The following CCDC191 variants were observed in gnomAD, a reference collection of about 807,000 sequenced individuals.
CCDC191 encodes coiled-coil domain containing 191.
A neutral mutation model predicts 114.0 loss-of-function variants in CCDC191; 99 were observed. The ratio of observed to expected loss-of-function variants is 0.87; its 90% confidence interval spans 0.74 to 1.03. CCDC191 has a LOEUF of 1.03. Ranked by LOEUF, CCDC191 falls within the 50% of genes least tolerant of loss-of-function variation. The probability of loss-of-function intolerance (pLI) is 0.00; values close to 1 mark genes in which losing one functional copy is unlikely to be tolerated. For missense variants in CCDC191, 973 were observed against 1,087.0 expected, an observed-to-expected ratio of 0.90 and a Z score of 1.47; for synonymous variants, 351 against 376.0, an observed-to-expected ratio of 0.93 and a Z score of 0.77.
At chr3:114,004,783 A>T (rs1455822516) in intron 10 of CCDC191, 37 bp from the exon 11 acceptor site, 1 of 1,590,146 alleles carries the variant, frequency 6.3e-7, no homozygotes, top group African/African-American at 1.4e-5. Context: ...TTAGACTACT[A>T]ACCAGTTTCC....
At chr3:114,023,740 A>G (rs2076277652) in intron 7 of CCDC191, among the ~76,000 whole-genome samples, 1 of 152,166 alleles carries the variant, frequency 6.6e-6, no homozygotes. Context: ...TTAGACCTAA[A>G]ACCATAAAAA....
chr3:114,016,409 G>C (rs1300502162), intron 8 of CCDC191, among the ~76,000 whole-genome samples: 1 of 152,130 alleles, frequency 6.6e-6, no homozygotes, highest in African/African-American at 2.4e-5. Context: ...GCTGCTCTTT[G>C]CTTTGTGACC....
rs575790885 is a variant in CCDC191 at position 113,973,054 on chromosome 3, G to C, written c.2606+5132C>G. Among the ~76,000 whole-genome samples, 11 of 152,216 alleles carry C rather than the reference G, an allele frequency of 7.2e-5. No homozygotes were observed. The East Asian group carries it at 1.9e-3, about 27-fold the overall frequency. On this transcript the variant is annotated intron_variant, in intron 16 of 16. Coordinates refer to ENST00000295878, the MANE Select transcript of CCDC191 (RefSeq NM_020817.2). Reference sequence around the variant, plus strand: ...GGAGAACTGAGTCCATTTATATTCAGTTATTGATAAGTAAGGACTTACTAT... The same window carrying C: ...GGAGAACTGAGTCCATTTATATTCACTTATTGATAAGTAAGGACTTACTAT...
chr3:114,047,772 C>G (rs933133418), intron 2 of CCDC191, among the ~76,000 whole-genome samples: 1 of 151,660 alleles, frequency 6.6e-6, no homozygotes, highest in African/African-American at 2.4e-5. Context: ...GTCGGGAGTT[C>G]AAGACCAGCC....
chr3:113,996,240 T>C (rs987489563), intron 13 of CCDC191, among the ~76,000 whole-genome samples: 1 of 152,236 alleles, frequency 6.6e-6, no homozygotes, highest in Admixed American at 6.5e-5. Flanking sequence ...TTTATGGTTT[T>C]GGGTTTTACA....
intron 8 of CCDC191, among the ~76,000 whole-genome samples, chr3:114,011,768 T>C (rs1330708148): frequency 6.6e-6 from 1 of 151,876 alleles, no homozygotes; most frequent in Non-Finnish European, 1.5e-5. Flanking sequence ...TGAGGGGAGG[T>C]TGGGATGTGG....
At chr3:113,979,835 A>G (rs2075077571) in intron 14 of CCDC191, among the ~76,000 whole-genome samples, 1 of 152,214 alleles carries the variant, frequency 6.6e-6, no homozygotes, top group Non-Finnish European at 1.5e-5. Context: ...AGATGAGATA[A>G]CATTTTATCT....
intron 13 of CCDC191, among the ~76,000 whole-genome samples, chr3:113,991,855 T>C (rs1477947586): frequency 6.6e-6 from 1 of 152,146 alleles, no homozygotes; most frequent in East Asian, 1.9e-4. Context: ...TGAATTATGT[T>C]CCCATATTAG....
At chr3:113,969,020 G>C (rs752896814) in intron 16 of CCDC191, among the ~76,000 whole-genome samples, 13 of 152,174 alleles carry the variant, frequency 8.5e-5, no homozygotes, top group Non-Finnish European at 1.6e-4. Context: ...ATCATGTGCA[G>C]AGATCCAATG....
chr3:113,987,340 G>A (rs1024944556), intron 13 of CCDC191, among the ~76,000 whole-genome samples: 43 of 152,042 alleles, frequency 2.8e-4, no homozygotes, highest in African/African-American at 1.0e-3. Context: ...AAGAAATGAA[G>A]AGCATCAGAA....
At chr3:113,974,623 C>T (rs899909085) in intron 16 of CCDC191, among the ~76,000 whole-genome samples, 5 of 151,906 alleles carry the variant, frequency 3.3e-5, no homozygotes, top group African/African-American at 7.3e-5. Flanking sequence ...CCGGCCAACT[C>T]GCTGTTGTTT....
intron 7 of CCDC191, among the ~76,000 whole-genome samples, chr3:114,024,395 G>A (rs1190793319): frequency 6.6e-6 from 1 of 152,170 alleles, no homozygotes; most frequent in Non-Finnish European, 1.5e-5. Context: ...AAAGACACAT[G>A]CACATGTAGG....
At chr3:114,002,063 G>A (rs1271287072) in intron 12 of CCDC191, among the ~76,000 whole-genome samples, 1 of 152,132 alleles carries the variant, frequency 6.6e-6, no homozygotes, top group Non-Finnish European at 1.5e-5. Context: ...CCAATTGTTG[G>A]AACTGTTTAT....
In CCDC191 at chr3:114,018,754, A is replaced by G. The variant is rs1256991710; in HGVS notation, c.1087T>C (p.Trp363Arg). The part of the protein sequence containing the change: ...WKIQLKVLRA[W>R]RDYTRFQKLE... The stretch of plus-strand genomic sequence containing the variant: ...TTCTGGAATCTTGTGTAGTCTCTCC[A>G]GGCCCGCAGGACCTTCAGCTGAATC... Residue 363 changes from tryptophan (W) to arginine (R), a missense_variant, in exon 8 of 17, where the codon TGG becomes CGG. Trp to Arg is a moderately radical substitution (Grantham distance 101, BLOSUM62 -3). Coordinates refer to ENST00000295878, the MANE Select transcript of CCDC191 (RefSeq NM_020817.2). The G allele has an allele frequency of 2.5e-6, 4 of 1,613,458 alleles. No homozygotes were observed. Among genetic ancestry groups the G allele is most frequent in the Non-Finnish European group, 3.4e-6 (4 of 1,179,750 alleles).
intron 2 of CCDC191, among the ~76,000 whole-genome samples, chr3:114,052,318 C>T (rs1367621540): frequency 6.6e-6 from 1 of 152,072 alleles, no homozygotes; most frequent in African/African-American, 2.4e-5. Context: ...ACAGACAAAT[C>T]AGAGCAAAAT....
intron 9 of CCDC191, 103 bp from the exon 10 acceptor site, chr3:114,006,065 C>A: frequency 9.8e-7 from 1 of 1,022,834 alleles, no homozygotes; most frequent in South Asian, 1.3e-5. Context: ...GCACAACTGC[C>A]ATGTATTGCA....
intron 13 of CCDC191, among the ~76,000 whole-genome samples, chr3:113,994,993 C>CAAT (rs1470341233): frequency 6.6e-6 from 1 of 152,160 alleles, no homozygotes; most frequent in Admixed American, 6.5e-5. Flanking sequence ...CTTGCATATG[C>CAAT]AGATGAAGTT....
chr3:113,978,933 C>T lies in CCDC191; in HGVS notation c.2385G>A (p.Leu795=), dbSNP rs2075037756. The T allele has an allele frequency of 6.2e-7, 1 of 1,613,950 alleles. No homozygotes were observed. The highest frequency in any genetic ancestry group is 8.5e-7 in the Non-Finnish European group (1 of 1,179,972). Residue 795 remains leucine (L), a synonymous_variant, in exon 15 of 17, where the codon CTG becomes CTA. Transcript: ENST00000295878. ...GATCAGCCTGGGCCATCTTTCTAGCCAGACTTTCCTGACTACGCTGGAACC... is the reference window on the plus strand; with the variant it reads ...GATCAGCCTGGGCCATCTTTCTAGCTAGACTTTCCTGACTACGCTGGAACC... The part of the protein sequence containing the change: ...LTWFQRSQES[L]ARKMAQADQF...
At chr3:114,024,243 C>G (rs969056610) in intron 7 of CCDC191, among the ~76,000 whole-genome samples, 1 of 152,198 alleles carries the variant, frequency 6.6e-6, no homozygotes, top group Non-Finnish European at 1.5e-5. Flanking sequence ...TACTTTTACA[C>G]TGTTGGTGGG....
Sources: gnomAD v4.1 joint callset for allele counts (sites outside exome capture counted in the v4.1 genomes callset) on GRCh38, gnomAD v4.1.1 for gene constraint, MANE v1.5 for transcripts, NCBI Gene and HGNC (gene_info 2026-07-23, HGNC 2026-07-21) for gene names.